Variants in CACNA2D3 observed in about 807,000 individuals in gnomAD.
CACNA2D3 encodes the protein calcium voltage-gated channel auxiliary subunit alpha2delta 3.
In CACNA2D3, 60 loss-of-function variants were observed where a neutral mutation model predicts 160.6. The ratio of observed to expected loss-of-function variants is 0.37; its 90% CI spans 0.30 to 0.46. The LOEUF (loss-of-function observed/expected upper bound fraction) is 0.46, where lower values mean the gene tolerates loss of function less well. Among genes scored for constraint, CACNA2D3 ranks in the 20% least tolerant of loss-of-function variants. The pLI is 1.00. For missense variants in CACNA2D3, 1,205 were observed against 1,365.0 expected (o/e 0.88, Z 1.85); for synonymous variants, 558 against 492.9 (o/e 1.13, Z -1.75).
intron 13 of CACNA2D3, among the ~76,000 whole-genome samples, chr3:54,813,690 G>A (rs897293663): frequency 7.9e-5 from 12 of 151,950 alleles, no homozygotes; most frequent in African/African-American, 2.9e-4. Flanking sequence ...CGTACATATG[G>A]GGAAGATGTC....
intron 11 of CACNA2D3, among the ~76,000 whole-genome samples, chr3:54,730,969 TGTC>T (rs370710760): frequency 2.6e-5 from 4 of 152,328 alleles, no homozygotes; most frequent in African/African-American, 9.6e-5. Flanking sequence ...CAAGTAACAA[TGTC>T]ATCATAATGA....
chr3:54,876,034 T>TG (rs1699651081), intron 18 of CACNA2D3, among the ~76,000 whole-genome samples: 1 of 152,200 alleles, frequency 6.6e-6, no homozygotes, highest in South Asian at 2.1e-4. Flanking sequence ...TTTTAATGAC[T>TG]ACATAATATG....
chr3:54,721,005 C>A (rs954840353), intron 11 of CACNA2D3, among the ~76,000 whole-genome samples: 1 of 151,998 alleles, frequency 6.6e-6, no homozygotes. Flanking sequence ...GTTGATTAAT[C>A]TAAAAAAGGC....
chr3:54,342,950 G>A (rs1250150775), intron 3 of CACNA2D3, among the ~76,000 whole-genome samples: 4 of 152,138 alleles, frequency 2.6e-5, no homozygotes, highest in Non-Finnish European at 4.4e-5. Context: ...CTGGGTAGCC[G>A]CACAGAGTTT....
intron 3 of CACNA2D3, among the ~76,000 whole-genome samples, chr3:54,383,154 T>C (rs1303233616): frequency 6.6e-6 from 1 of 152,184 alleles, no homozygotes; most frequent in African/African-American, 2.4e-5. Context: ...GGTAAATCTA[T>C]GGGAGATGGT....
intron 11 of CACNA2D3, among the ~76,000 whole-genome samples, chr3:54,673,249 A>G (rs1700189917): frequency 1.3e-5 from 2 of 152,184 alleles, no homozygotes; most frequent in South Asian, 4.1e-4. Flanking sequence ...TATTCAGCCA[A>G]ATGTTAAAAG....
At chr3:54,770,752 C>A (rs932204587) in intron 13 of CACNA2D3, among the ~76,000 whole-genome samples, 1 of 152,098 alleles carries the variant, frequency 6.6e-6, no homozygotes, top group Non-Finnish European at 1.5e-5. Context: ...TGTCTTCATT[C>A]CCAAACCTAT....
intron 17 of CACNA2D3, among the ~76,000 whole-genome samples, chr3:54,867,670 C>T (rs1190875649): frequency 6.6e-6 from 1 of 152,162 alleles, no homozygotes; most frequent in Non-Finnish European, 1.5e-5. Context: ...TATCTTTTCT[C>T]TGCTTTCCCT....
intron 2 of CACNA2D3, among the ~76,000 whole-genome samples, chr3:54,255,429 A>G (rs1702274148): frequency 3.9e-5 from 6 of 152,220 alleles, no homozygotes. Flanking sequence ...AAATGTCCAC[A>G]CAAGTATTAA....
At chr3:54,620,871 T>C (rs1698970798) in intron 9 of CACNA2D3, among the ~76,000 whole-genome samples, 1 of 152,152 alleles carries the variant, frequency 6.6e-6, no homozygotes, top group Non-Finnish European at 1.5e-5. Flanking sequence ...TTTAGGGGTG[T>C]TAGGAGGATC....
Position 54,716,093 on chromosome 3 carries a change from T to A in CACNA2D3, c.1168-36506T>A, listed in dbSNP as rs199672526. Among the ~76,000 whole-genome samples the A allele has an allele frequency of 2.0e-5, 3 of 152,346 alleles. No homozygotes were observed. The East Asian group carries it at 5.8e-4, about 29-fold the overall frequency. ...TTGAATATATTCAATCTTTGTCAAT[T>A]ATATATTTTAAAATAAAAACACAAA... is the stretch of plus-strand genomic sequence containing the variant. On this transcript the variant is annotated intron_variant, in intron 11 of 37. Coordinates refer to ENST00000474759, the MANE Select transcript of CACNA2D3 (RefSeq NM_018398.3).
At chr3:54,450,959 A>T (rs1700295944) in intron 4 of CACNA2D3, among the ~76,000 whole-genome samples, 1 of 152,128 alleles carries the variant, frequency 6.6e-6, no homozygotes, top group Non-Finnish European at 1.5e-5. Context: ...CTGGCATAGG[A>T]TAGACATTCC....
intron 12 of CACNA2D3, among the ~76,000 whole-genome samples, chr3:54,753,158 G>A (rs1167608629): frequency 6.6e-6 from 1 of 152,184 alleles, no homozygotes; most frequent in African/African-American, 2.4e-5. Flanking sequence ...ACTATGCCCA[G>A]TGCCAAATTT....
At chr3:54,739,454 CCACACACA>C (rs371963374) in intron 11 of CACNA2D3, among the ~76,000 whole-genome samples, 2 of 137,474 alleles carry the variant, frequency 1.5e-5, no homozygotes, top group Non-Finnish European at 3.2e-5. Flanking sequence ...AAAAAAAAAA[CCACACACA>C]CACACACACA....
At chr3:54,813,709 C>T (rs1465389439) in intron 13 of CACNA2D3, among the ~76,000 whole-genome samples, 1 of 151,946 alleles carries the variant, frequency 6.6e-6, no homozygotes, top group Non-Finnish European at 1.5e-5. Flanking sequence ...TCTTCTCTGC[C>T]CTCATGGAGT....
intron 11 of CACNA2D3, among the ~76,000 whole-genome samples, chr3:54,700,859 A>C (rs1294671860): frequency 6.6e-6 from 1 of 152,208 alleles, no homozygotes; most frequent in East Asian, 1.9e-4. Flanking sequence ...TACTTGCCCA[A>C]GTCTCAAAAC....
intron 2 of CACNA2D3, among the ~76,000 whole-genome samples, chr3:54,137,585 A>G (rs921789133): frequency 1.3e-5 from 2 of 152,202 alleles, no homozygotes; most frequent in African/African-American, 4.8e-5. Context: ...CAAACTTCTT[A>G]AACCGTGGCT....
intron 2 of CACNA2D3, among the ~76,000 whole-genome samples, chr3:54,228,574 A>G (rs555778397): frequency 1.3e-5 from 2 of 152,356 alleles, no homozygotes; most frequent in Admixed American, 6.5e-5. Context: ...TGGGGATTCT[A>G]GTCTTTTATT....
At chr3:54,338,532 G>T (rs577071083) in intron 3 of CACNA2D3, among the ~76,000 whole-genome samples, 17 of 140,564 alleles carry the variant, frequency 1.2e-4, no homozygotes, top group African/African-American at 4.2e-4. Flanking sequence ...GGTTAGGATG[G>T]GCTAGGAGAA....
Sources: gnomAD v4.1 joint callset for allele counts (sites outside exome capture counted in the v4.1 genomes callset) on GRCh38, gnomAD v4.1.1 for gene constraint, MANE v1.5 for transcripts, NCBI Gene and HGNC (gene_info 2026-07-23, HGNC 2026-07-21) for gene names.